RIC3: variants seen among roughly 807,000 people sequenced by gnomAD.
RIC3 encodes the protein protein RIC-3.
In RIC3, 28 loss-of-function variants were observed where a neutral mutation model predicts 27.3. The observed-to-expected ratio is 1.02, with a 90% CI of 0.76 to 1.41. The LOEUF (loss-of-function observed/expected upper bound fraction) is 1.41, where lower values mean the gene tolerates loss of function less well. RIC3 is among the 40% of genes most tolerant of loss of function. The probability of loss-of-function intolerance (pLI) is 0.00; values close to 1 mark genes in which losing one functional copy is unlikely to be tolerated. For missense variants in RIC3, 501 were observed against 444.7 expected (o/e 1.13, Z -1.14); for synonymous variants, 184 against 160.4 (o/e 1.15, Z -1.11).
At chr11:8,144,021 A>G (rs2133983676) in intron 1 of RIC3, among the ~76,000 whole-genome samples, 1 of 152,320 alleles carries the variant, frequency 6.6e-6, no homozygotes, top group South Asian at 2.1e-4. Flanking sequence ...CTTATACAAA[A>G]ATCAATTCAA....
chr11:8,094,260 C>T, the RIC3 span: 8 of 1,505,578 alleles, frequency 5.3e-6, no homozygotes, highest in Non-Finnish European at 7.1e-6. Flanking sequence ...AAGGTTTGTC[C>T]TCCTGACTTG....
chr11:8,110,321 T>A lies in RIC3; in HGVS notation c.*377A>T. ...TCATTCTTGCAACCTTAAGTCCTCA[T>A]CATCTGTAAGCTGATGTTCGTTCAC... is the stretch of plus-strand genomic sequence containing the variant. On this transcript the variant is annotated 3_prime_UTR_variant, in exon 6 of 6. Transcript: ENST00000309737. The A allele has an allele frequency of 2.9e-6, 1 of 350,750 alleles. No homozygotes were observed. Among genetic ancestry groups the A allele is most frequent in the South Asian group, 2.5e-5 (1 of 40,494 alleles). 21.7% of individuals were successfully genotyped at this position (350,750 alleles called of 1,614,324 possible). A position where few individuals can be genotyped will look rare whatever the true frequency, so the allele number is the denominator to read the frequency against.
At chr11:8,155,186 G>A (rs150490565) in intron 1 of RIC3, among the ~76,000 whole-genome samples, 5 of 146,714 alleles carry the variant, frequency 3.4e-5, no homozygotes, top group African/African-American at 5.1e-5. Flanking sequence ...ACACCACCGC[G>A]TGATCAGCCT....
At chr11:8,120,974 T>C (rs1275522728) in intron 5 of RIC3, among the ~76,000 whole-genome samples, 2 of 152,128 alleles carry the variant, frequency 1.3e-5, no homozygotes, top group African/African-American at 4.8e-5. Flanking sequence ...CACAATACTA[T>C]ATGGGAAAAA....
chr11:8,142,245 T>A (rs1371398647), intron 1 of RIC3, among the ~76,000 whole-genome samples: 2 of 134,444 alleles, frequency 1.5e-5, no homozygotes, highest in African/African-American at 3.2e-5. Flanking sequence ...GGAGCTGGTT[T>A]TTTGAAAGGA....
At chr11:8,115,005 G>A (rs7932828) in intron 5 of RIC3, among the ~76,000 whole-genome samples, 149,642 of 152,266 alleles carry the variant, frequency 0.98, 73,590 homozygotes, top group Non-Finnish European at 1. Flanking sequence ...AGGAGGAGAC[G>A]GACACAAAGG....
intron 1 of RIC3, among the ~76,000 whole-genome samples, chr11:8,147,768 A>AC (rs1172997534): frequency 7.4e-6 from 1 of 135,564 alleles, no homozygotes; most frequent in Non-Finnish European, 1.5e-5. Flanking sequence ...TTGCTCTGTC[A>AC]CCAGGCTGGA....
At chr11:8,157,581 A>T (rs1482033594) in intron 1 of RIC3, among the ~76,000 whole-genome samples, 1 of 152,192 alleles carries the variant, frequency 6.6e-6, no homozygotes, top group Non-Finnish European at 1.5e-5. Flanking sequence ...AACTTCTTGA[A>T]TAAAGGCCTA....
downstream of RIC3, chr11:8,104,494 CTTAA>C (rs1320747958): frequency 6.6e-6 from 1 of 152,176 alleles, no homozygotes; most frequent in Non-Finnish European, 1.5e-5. Context: ...ACTGAGGTTT[CTTAA>C]TTGTGATTAT....
chr11:8,122,064 A>T (rs553842852), intron 5 of RIC3, among the ~76,000 whole-genome samples: 105 of 152,292 alleles, frequency 6.9e-4, no homozygotes, highest in African/African-American at 2.5e-3. Flanking sequence ...AAAAAATACT[A>T]CTACTAGTAA....
At chr11:8,151,880 C>T (rs1441834018) in intron 1 of RIC3, among the ~76,000 whole-genome samples, 1 of 149,956 alleles carries the variant, frequency 6.7e-6, no homozygotes, top group Non-Finnish European at 1.5e-5. Context: ...CACACCACTG[C>T]ACTCCAGCCT....
downstream of RIC3, chr11:8,103,477 C>T (rs1944393011): frequency 1.3e-5 from 2 of 152,528 alleles, no homozygotes; most frequent in South Asian, 4.1e-4. Flanking sequence ...AATATGCTCT[C>T]ATTTCTTTGT....
At chr11:8,095,206 T>C in the RIC3 span, among the ~76,000 whole-genome samples, 1 of 152,218 alleles carries the variant, frequency 6.6e-6, no homozygotes, top group Non-Finnish European at 1.5e-5. Context: ...TTTTCCACTG[T>C]GCAGTTGGTT....
chr11:8,130,135 CCATT>C (rs1230638944), intron 4 of RIC3, among the ~76,000 whole-genome samples: 2 of 152,170 alleles, frequency 1.3e-5, no homozygotes, highest in African/African-American at 4.8e-5. Flanking sequence ...AACTCCTCTT[CCATT>C]CATAGTGCAA....
chr11:8,120,130 G>T (rs1334306848), intron 5 of RIC3, among the ~76,000 whole-genome samples: 2 of 152,182 alleles, frequency 1.3e-5, no homozygotes, highest in Admixed American at 6.5e-5. Flanking sequence ...AAGACAGTGT[G>T]GCAATTCTTC....
chr11:8,158,955 A>T (rs1565124358), intron 1 of RIC3, among the ~76,000 whole-genome samples: 1 of 150,360 alleles, frequency 6.7e-6, no homozygotes, highest in Non-Finnish European at 1.5e-5. Context: ...CTGGTCTTGA[A>T]ATCCTGACCT....
intron 2 of RIC3, 131 bp from the exon 3 acceptor site, chr11:8,138,478 T>C: frequency 1.9e-6 from 1 of 529,070 alleles, no homozygotes; most frequent in Non-Finnish European, 3.3e-6. Flanking sequence ...ATAGCAACAC[T>C]AGAGAAATAG....
chr11:8,124,706 C>T (rs1946816837), intron 5 of RIC3, among the ~76,000 whole-genome samples: 1 of 152,048 alleles, frequency 6.6e-6, no homozygotes, highest in Non-Finnish European at 1.5e-5. Flanking sequence ...AGAATAGAGC[C>T]CAGAAGAGAC....
At chr11:8,123,027 G>A (rs959012590) in intron 5 of RIC3, among the ~76,000 whole-genome samples, 1 of 151,886 alleles carries the variant, frequency 6.6e-6, no homozygotes, top group Non-Finnish European at 1.5e-5. Flanking sequence ...AGTAAAATAT[G>A]AATAAATGAG....
Sources: allele counts gnomAD v4.1 joint callset (sites outside exome capture counted in the v4.1 genomes callset), GRCh38; gene constraint gnomAD v4.1.1; transcripts MANE v1.5; gene names NCBI Gene and HGNC (gene_info 2026-07-23, HGNC 2026-07-21).